GKN1: variants seen among roughly 807,000 people sequenced by gnomAD.
The protein encoded by GKN1 is gastrokine-1.
Under a neutral mutation model 19.7 loss-of-function variants are expected in GKN1, and 17 were observed. That is an observed-to-expected ratio of 0.86 (90% CI 0.59 to 1.29). The LOEUF (loss-of-function observed/expected upper bound fraction) is 1.29. Among genes scored for constraint, GKN1 ranks in the 50% most tolerant of loss-of-function variants. The pLI is 0.00. For synonymous variants in GKN1, 96 were observed against 78.3 expected (o/e 1.23, Z -1.20); for missense variants, 218 against 224.5 (o/e 0.97, Z 0.19).
intron 5 of GKN1, 119 bp downstream of exon 5, chr2:68,980,179 T>G: frequency 2.5e-6 from 2 of 816,092 alleles, no homozygotes; most frequent in Non-Finnish European, 4.2e-6. Flanking sequence ...CCAACATTTG[T>G]GCAGTGCTTG....
chr2:68,980,522 C>G (rs1670343615), intron 5 of GKN1, among the ~76,000 whole-genome samples: 1 of 152,204 alleles, frequency 6.6e-6, no homozygotes, highest in Non-Finnish European at 1.5e-5. Context: ...ATTCAAAGAA[C>G]AGCTGCACAC....
chr2:68,978,304 A>G (rs61400058), intron 3 of GKN1, among the ~76,000 whole-genome samples: 4 of 134,122 alleles, frequency 3.0e-5, no homozygotes, highest in Non-Finnish European at 4.6e-5. Context: ...AAGAGAGAGA[A>G]AGAAAGAAAA....
intron 1 of GKN1, 37 bp downstream of exon 1, chr2:68,974,726 G>T: frequency 8.1e-7 from 1 of 1,229,240 alleles, no homozygotes; most frequent in Non-Finnish European, 1.2e-6. Flanking sequence ...ACCACCAAAT[G>T]ATTGGAGACT....
intron 1 of GKN1, 37 bp from the exon 2 acceptor site, chr2:68,977,458 C>T: frequency 3.5e-6 from 5 of 1,415,026 alleles, no homozygotes; most frequent in South Asian, 1.2e-5. Flanking sequence ...CATCATTTTG[C>T]CATGTAACAG....
intron 1 of GKN1, among the ~76,000 whole-genome samples, chr2:68,975,666 C>T (rs957773413): frequency 3.9e-5 from 6 of 152,070 alleles, no homozygotes; most frequent in African/African-American, 1.4e-4. Context: ...TCAGAGGGAG[C>T]TCCAGACACA....
At chr2:68,974,906 G>A (rs1398727354) in intron 1 of GKN1, among the ~76,000 whole-genome samples, 2 of 152,114 alleles carry the variant, frequency 1.3e-5, no homozygotes, top group African/African-American at 4.8e-5. Context: ...CAGGTCAATA[G>A]GGGCAGCAAA....
intron 1 of GKN1, 78 bp downstream of exon 1, chr2:68,974,767 T>C: frequency 2.2e-6 from 2 of 917,870 alleles, no homozygotes; most frequent in Non-Finnish European, 3.7e-6. Flanking sequence ...GAGGTCTGCT[T>C]CTTATGGCCC....
At chr2:68,979,703 G>A (rs1302240566) in intron 4 of GKN1, among the ~76,000 whole-genome samples, 1 of 152,172 alleles carries the variant, frequency 6.6e-6, no homozygotes, top group East Asian at 1.9e-4. Flanking sequence ...GAGAAGCTGA[G>A]GTTTCAAACC....
chr2:68,974,905 A>C (rs949054945), intron 1 of GKN1, among the ~76,000 whole-genome samples: 2 of 152,180 alleles, frequency 1.3e-5, no homozygotes, highest in African/African-American at 4.8e-5. Flanking sequence ...ACAGGTCAAT[A>C]GGGGCAGCAA....
intron 1 of GKN1, among the ~76,000 whole-genome samples, chr2:68,976,187 G>A (rs920570183): frequency 6.6e-6 from 1 of 151,948 alleles, no homozygotes; most frequent in East Asian, 1.9e-4. Flanking sequence ...TTTCTATTAG[G>A]AAGAAAACAT....
At position 68,980,887 on chromosome 2, in the gene GKN1, T is replaced by C; in HGVS notation, c.*64T>C. The stretch of plus-strand genomic sequence containing the variant: ...TATGCTGTGCAGAAAAAATATGGGC[T>C]CCAGTGGTTTTTACCATGTCATTCT... On this transcript the variant is annotated 3_prime_UTR_variant, in exon 6 of 6. Coordinates refer to ENST00000377938, the MANE Select transcript of GKN1 (RefSeq NM_019617.4). 1 of 807,388 alleles carries C rather than the reference T, an allele frequency of 1.2e-6. No homozygotes were observed. 50.0% of individuals were successfully genotyped at this position (807,388 alleles called of 1,614,324 possible).
rs752627332 is a variant in GKN1 at position 68,974,657 on chromosome 2, C to T, written c.-21C>T. 5 of 1,605,082 alleles carry T rather than the reference C, an allele frequency of 3.1e-6. No homozygotes were observed. The African/African-American group carries it at 6.7e-5, about 21-fold the overall frequency. On this transcript the variant is annotated 5_prime_UTR_variant, in exon 1 of 6. Transcript: ENST00000377938. ...GTCCATGCTTGCCTACTCCTCTGTC[C>T]ACTGCTTTCGTGAAGACAAGATGAA...
At chr2:68,980,127 T>G in intron 5 of GKN1, 67 bp downstream of exon 5, 26 of 1,317,362 alleles carry the variant, frequency 2.0e-5, no homozygotes, top group Non-Finnish European at 2.7e-5. Context: ...TCCTCGCGCG[T>G]GTCCATAGTG....
intron 4 of GKN1, among the ~76,000 whole-genome samples, 190 bp from the exon 5 acceptor site, chr2:68,979,723 C>T (rs562197179): frequency 1.3e-5 from 2 of 152,256 alleles, no homozygotes; most frequent in South Asian, 4.1e-4. Context: ...CAGCTAAATC[C>T]CTTAGGACAC....
rs767118741 is a variant in GKN1 at position 68,977,583 on chromosome 2, G to A, written c.66+35G>A. On this transcript the variant is annotated intron_variant, in intron 2 of 5. Transcript: ENST00000377938. ...ACCTTTTCAAGTTTGCTACCAAAAT[G>A]CATTTGCAAGGAAATGTGATATTAA... 7 of 1,603,328 alleles carry A rather than the reference G, an allele frequency of 4.4e-6. No homozygotes were observed. The East Asian group carries it at 1.6e-4, about 36-fold the overall frequency.
chr2:68,978,294 A>AAGAAAGAAAGAAAGAAAGAAAGAG lies in GKN1; in HGVS notation c.204+523_204+524insAAGAAAGAAAGAAAGAAAGAGAGA, dbSNP rs766730731. ...AAGGAAAGAAAGAAAGAAAGAAAGAAAGAGAGAGAAAGAAAGAAAAAGAAA... is the reference window on the plus strand; with the variant it reads ...AAGGAAAGAAAGAAAGAAAGAAAGAAAGAAAGAAAGAAAGAAAGAAAGAGAGAGAGAGAAAGAAAGAAAAAGAAA... On this transcript the variant is annotated intron_variant, in intron 3 of 5. Transcript: ENST00000377938. 1.4e-3 allele frequency among the ~76,000 whole-genome samples: 168 copies of AAGAAAGAAAGAAAGAAAGAAAGAG among 121,740 alleles called. 7 individuals carry two copies. Among genetic ancestry groups the AAGAAAGAAAGAAAGAAAGAAAGAG allele is most frequent in the African/African-American group, 5.2e-3 (140 of 27,148 alleles). 79.9% of individuals were successfully genotyped at this position (121,740 alleles called of 152,430 possible). A position where few individuals can be genotyped will look rare whatever the true frequency, so the allele number is the denominator to read the frequency against.
intron 1 of GKN1, among the ~76,000 whole-genome samples, chr2:68,975,401 G>A (rs754867245): frequency 6.6e-6 from 1 of 152,150 alleles, no homozygotes; most frequent in African/African-American, 2.4e-5. Flanking sequence ...AGCTACCACA[G>A]CATCTCTCCT....
chr2:68,978,961 G>T lies in GKN1; in HGVS notation c.295G>T (p.Ala99Ser), dbSNP rs888593898. ...CATGCCCTCCATTCAATCCCTTGAT[G>T]CACTGGTCAAGGAAAAGAAGGTAAA... ...EVMPSIQSLD[A>S]LVKEKKLQGK... The change falls in exon 4 of 6, where the codon GCA (alanine) becomes TCA (serine). Residue 99 changes from alanine (A) to serine (S), a missense_variant. Transcript: ENST00000377938. 4.4e-6 allele frequency: 7 copies of T among 1,577,534 alleles called. No individual in the cohort carries two copies. In the African/African-American group the frequency reaches 8.1e-5, roughly 18 times the overall value.
chr2:68,977,931 T>G, intron 3 of GKN1, 157 bp downstream of exon 3: 1 of 633,990 alleles, frequency 1.6e-6, no homozygotes, highest in Non-Finnish European at 2.7e-6. Flanking sequence ...TCATCCGATT[T>G]TGTTCCCTAG....
Sources: allele counts gnomAD v4.1 joint callset (sites outside exome capture counted in the v4.1 genomes callset), GRCh38; gene constraint gnomAD v4.1.1; transcripts MANE v1.5; gene names NCBI Gene and HGNC (gene_info 2026-07-23, HGNC 2026-07-21).